Variants in RERE observed in about 807,000 individuals in gnomAD.
RERE encodes the protein arginine-glutamic acid dipeptide repeats.
In RERE, 40 loss-of-function variants were observed where a neutral mutation model predicts 146.1. The ratio of observed to expected loss-of-function variants is 0.27; its 90% CI spans 0.21 to 0.36. RERE has a LOEUF of 0.36. Ranked by LOEUF, RERE falls within the 10% of genes least tolerant of loss-of-function variation. The pLI, the probability that RERE is intolerant of heterozygous loss-of-function variation, is 1.00. For synonymous variants in RERE, 1,003 were observed against 866.0 expected (o/e 1.16, Z -2.78); for missense variants, 1,933 against 2,138.7 (o/e 0.90, Z 1.90).
At chr1:8,622,835 T>TA (rs1286866038) in intron 3 of RERE, among the ~76,000 whole-genome samples, 9 of 151,824 alleles carry the variant, frequency 5.9e-5, no homozygotes, top group Non-Finnish European at 7.4e-5. Context: ...TTAAAAATGA[T>TA]AAAAAACAAA....
chr1:8,391,278 T>C (rs1334333778), intron 12 of RERE, among the ~76,000 whole-genome samples: 1 of 152,224 alleles, frequency 6.6e-6, no homozygotes, highest in Non-Finnish European at 1.5e-5. Context: ...TTGGGTAAGT[T>C]ACACAGCCTC....
chr1:8,706,944 T>C (rs1378004900), intron 1 of RERE, among the ~76,000 whole-genome samples: 3 of 152,194 alleles, frequency 2.0e-5, no homozygotes, highest in African/African-American at 7.2e-5. Context: ...AATAATTATG[T>C]AAGATAAATG....
chr1:8,363,430 G>A lies in RERE; in HGVS notation c.1741-586C>T, dbSNP rs181964000. Among the ~76,000 whole-genome samples, 678 of 152,306 alleles carry A rather than the reference G, an allele frequency of 4.5e-3. 4 individuals carry two copies. The highest frequency in any genetic ancestry group is 6.7e-3 in the Non-Finnish European group (457 of 68,024). ...CCTGCTCCCTTCTGAGTGAGCGGGG[G>A]CCGGGCTGCCAGCAGCCTCAACGGC... On this transcript the variant is annotated intron_variant, in intron 15 of 22. Coordinates refer to ENST00000400908, the MANE Select transcript of RERE (RefSeq NM_001042681.2).
At chr1:8,676,112 T>C (rs1270153668) in intron 1 of RERE, among the ~76,000 whole-genome samples, 1 of 152,202 alleles carries the variant, frequency 6.6e-6, no homozygotes, top group Non-Finnish European at 1.5e-5. Context: ...CAAAATTAAA[T>C]ACCCACAGTA....
Position 8,649,188 on chromosome 1 carries a change from C to T in RERE, c.325+6785G>A, listed in dbSNP as rs139981635. Among the ~76,000 whole-genome samples, 5 of 152,168 alleles carry T rather than the reference C, an allele frequency of 3.3e-5. No individual in the cohort carries two copies. In the East Asian group the frequency reaches 7.7e-4, roughly 24 times the overall value. Reference sequence around the variant, plus strand: ...GCTGTGTAATAAATCAATTTGTTACCGTGACAGTCATCTCAAAACAGGAGT... The same window carrying T: ...GCTGTGTAATAAATCAATTTGTTACTGTGACAGTCATCTCAAAACAGGAGT... On this transcript the variant is annotated intron_variant, in intron 2 of 22. Transcript: ENST00000400908.
rs566392900 is a variant in RERE, at chr1:8,533,573, T to C, written c.830+7641A>G. Among the ~76,000 whole-genome samples, 8 of 152,342 alleles carry C rather than the reference T, an allele frequency of 5.3e-5. No individual in the cohort carries two copies. The East Asian group carries it at 1.2e-3, about 22-fold the overall frequency. ...GGGTTTACTGGCATGAGACCACTTTTTATATTGCCTTCTTATCCTAGAGTT... is the reference window on the plus strand; with the variant it reads ...GGGTTTACTGGCATGAGACCACTTTCTATATTGCCTTCTTATCCTAGAGTT... On this transcript the variant is annotated intron_variant, in intron 7 of 22. Coordinates refer to ENST00000400908, the MANE Select transcript of RERE (RefSeq NM_001042681.2).
intron 12 of RERE, among the ~76,000 whole-genome samples, chr1:8,401,562 C>A (rs1643264187): frequency 6.6e-6 from 1 of 152,036 alleles, no homozygotes. Context: ...AAATTCGAGG[C>A]CAGCCTGGGC....
At chr1:8,721,094 G>A (rs1639855711) in intron 1 of RERE, among the ~76,000 whole-genome samples, 1 of 152,076 alleles carries the variant, frequency 6.6e-6, no homozygotes, top group Non-Finnish European at 1.5e-5. Flanking sequence ...GTACCCGATA[G>A]GTCATCTTAG....
intron 1 of RERE, among the ~76,000 whole-genome samples, chr1:8,694,666 G>A (rs1443211373): frequency 1.3e-5 from 2 of 152,124 alleles, no homozygotes; most frequent in East Asian, 3.9e-4. Context: ...GACTGAGGCA[G>A]GAGAATCATT....
rs757077446 is a variant in RERE, at chr1:8,361,294, G to A, written c.2213C>T (p.Pro738Leu). The A allele has an allele frequency of 5.6e-6, 9 of 1,606,630 alleles. No individual in the cohort carries two copies. Among genetic ancestry groups the A allele is most frequent in the Non-Finnish European group, 7.6e-6 (9 of 1,176,474 alleles). ...SAQQQMLQAQ[P>L]PALQAPTGVT... ...CCCAGTGGGAGCCTGCAAGGCTGGG[G>A]GCTGGGCCTGCAGCATCTGCTGCTG... The change falls in exon 18 of 23, where the codon CCC (proline) becomes CTC (leucine). Residue 738 changes from proline to leucine, a missense_variant. Transcript: ENST00000400908.
intron 3 of RERE, among the ~76,000 whole-genome samples, chr1:8,616,161 C>T (rs1646850606): frequency 6.6e-6 from 1 of 152,204 alleles, no homozygotes; most frequent in Non-Finnish European, 1.5e-5. Context: ...CTGCCCAAAC[C>T]ACTCAAATCC....
chr1:8,591,224 G>A (rs900638681), intron 4 of RERE, among the ~76,000 whole-genome samples: 2 of 152,130 alleles, frequency 1.3e-5, no homozygotes, highest in South Asian at 4.1e-4. Context: ...GATAAGGAAC[G>A]CCTTTCTCTA....
intron 12 of RERE, among the ~76,000 whole-genome samples, chr1:8,400,811 C>T (rs1366397415): frequency 1.5e-5 from 2 of 136,990 alleles, no homozygotes; most frequent in African/African-American, 5.5e-5. Context: ...AAAGACCACC[C>T]TGGGTAACAT....
chr1:8,474,025 A>G (rs914907626), intron 10 of RERE, among the ~76,000 whole-genome samples: 1 of 152,256 alleles, frequency 6.6e-6, no homozygotes, highest in African/African-American at 2.4e-5. Context: ...TGCTACAAGA[A>G]AAACATTTCT....
chr1:8,642,556 A>C (rs1260272974), intron 2 of RERE, among the ~76,000 whole-genome samples: 4 of 152,178 alleles, frequency 2.6e-5, no homozygotes, highest in South Asian at 2.1e-4. Context: ...CCAAATATTA[A>C]ATTAGTAAAG....
At chr1:8,539,699 T>C (rs1012339154) in intron 7 of RERE, among the ~76,000 whole-genome samples, 5 of 152,166 alleles carry the variant, frequency 3.3e-5, no homozygotes, top group Non-Finnish European at 7.4e-5. Context: ...CACCTACACC[T>C]GGCCAAGCAT....
intron 10 of RERE, among the ~76,000 whole-genome samples, chr1:8,472,289 T>C (rs894064914): frequency 6.6e-6 from 1 of 152,212 alleles, no homozygotes; most frequent in Non-Finnish European, 1.5e-5. Flanking sequence ...TTCTGAAGGA[T>C]TGCCATAATT....
At chr1:8,727,074 G>A (rs1243051667) in intron 1 of RERE, among the ~76,000 whole-genome samples, 1 of 152,100 alleles carries the variant, frequency 6.6e-6, no homozygotes, top group East Asian at 1.9e-4. Context: ...CCAAAGTGCT[G>A]GGATTACAGC....
chr1:8,420,053 G>C (rs929429676), intron 12 of RERE, among the ~76,000 whole-genome samples: 2 of 152,308 alleles, frequency 1.3e-5, no homozygotes, highest in East Asian at 1.9e-4. Context: ...ATAGAACACA[G>C]GTCTGCTGAC....
Sources: allele counts gnomAD v4.1 joint callset (sites outside exome capture counted in the v4.1 genomes callset), GRCh38; gene constraint gnomAD v4.1.1; transcripts MANE v1.5; gene names NCBI Gene and HGNC (gene_info 2026-07-23, HGNC 2026-07-21).